Variants in JAK3 observed in about 807,000 individuals in gnomAD.
The protein encoded by JAK3 is Janus kinase 3, also known as tyrosine-protein kinase JAK3.
In JAK3, 88 loss-of-function variants were observed where a neutral mutation model predicts 120.8. That is an observed-to-expected ratio of 0.73 (90% CI 0.61 to 0.87). The LOEUF (loss-of-function observed/expected upper bound fraction) is 0.87. Ranked by LOEUF, JAK3 falls within the 40% of genes least tolerant of loss-of-function variation. JAK3 has a pLI of 0.00. For synonymous variants in JAK3, 592 were observed against 628.6 expected (o/e 0.94, Z 0.87); for missense variants, 1,254 against 1,501.4 (o/e 0.84, Z 2.72).
chr19:17,831,727 G>T lies in JAK3; in HGVS notation c.2752C>A (p.Arg918Ser), dbSNP rs371883879. 2 of 1,611,900 alleles carry T rather than the reference G, an allele frequency of 1.2e-6. No homozygotes were observed. The highest frequency in any genetic ancestry group is 2.7e-5 in the African/African-American group (2 of 74,920). The change falls in exon 20 of 24, where the codon CGC (arginine) becomes AGC (serine). Residue 918 changes from arginine (R) to serine (S), a missense_variant. Arg to Ser is a moderately radical substitution (Grantham distance 110, BLOSUM62 -1). Coordinates refer to ENST00000458235, the MANE Select transcript of JAK3 (RefSeq NM_000215.4). The surrounding 1 kb of genome is among the most constrained non-coding windows in gnomAD (Gnocchi z 5.1). ...GCLRDFLQRH[R>S]ARLDASRLLL... ...AGGCGGCTGGCATCGAGGCGCGCGC[G>T]GTGCCGCTGCAGGAAGTCGCGCAAG...
intron 13 of JAK3, 123 bp from the exon 14 acceptor site, chr19:17,836,174 C>T: frequency 8.8e-7 from 1 of 1,136,816 alleles, no homozygotes; most frequent in Non-Finnish European, 1.3e-6. Context: ...CCCTCCCCTG[C>T]TGCCTCTGTT....
chr19:17,839,113 C>G, intron 10 of JAK3: 1 of 392,418 alleles, frequency 2.5e-6, no homozygotes, highest in African/African-American at 2.1e-5. Flanking sequence ...CTTTAATGAG[C>G]AAGTGGCACT....
At chr19:17,829,237 T>A (rs1435336483) in intron 23 of JAK3, among the ~76,000 whole-genome samples, 2 of 152,170 alleles carry the variant, frequency 1.3e-5, no homozygotes, top group East Asian at 3.8e-4. Flanking sequence ...TGATCTTGGC[T>A]CACTGAAACC....
intron 23 of JAK3, among the ~76,000 whole-genome samples, chr19:17,827,902 CA>C (rs113769893): frequency 0.55 from 77,326 of 139,386 alleles, 21,258 homozygotes; most frequent in East Asian, 0.73. Flanking sequence ...AACCACGTCT[CA>C]AAAAAAAAAA....
In JAK3 at chr19:17,838,259, T is replaced by C. The variant is rs2147688334; in HGVS notation, c.1569+4A>G. The C allele has an allele frequency of 6.2e-7, 1 of 1,614,068 alleles. No homozygotes were observed. The highest frequency in any genetic ancestry group is 8.5e-7 in the Non-Finnish European group (1 of 1,180,022). On this transcript the variant is annotated splice_donor_region_variant and intron_variant, in intron 11 of 23. Coordinates refer to ENST00000458235, the MANE Select transcript of JAK3 (RefSeq NM_000215.4). ...GTATCGCCTCATTTCCCAGGGCCTC[T>C]TACCCACTCCAGGCTGTCAGCAGGG...
At chr19:17,835,869 C>A in intron 14 of JAK3, 55 bp downstream of exon 14, 2 of 1,609,500 alleles carry the variant, frequency 1.2e-6, no homozygotes, top group Non-Finnish European at 1.7e-6. Flanking sequence ...TCCTCTTCCA[C>A]CCAGAGAAAG....
At position 17,831,260 on chromosome 19, in the gene JAK3, C is replaced by T; in HGVS notation, c.2946G>A (p.Val982=). ...KLLPLDKDYY[V]VREPGQSPIF... is the part of the protein sequence containing the mutation. ...TGGGGCTCTGGCCTGGCTCGCGGAC[C>T]ACGTAGTAGTCTTTGTCAAGCGGCA... Residue 982 remains valine (V), a synonymous_variant, in exon 21 of 24, where the codon GTG becomes GTA. Transcript: ENST00000458235. The surrounding 1 kb of genome is among the most constrained non-coding windows in gnomAD (Gnocchi z 5.1). 3 of 1,612,400 alleles carry T rather than the reference C, an allele frequency of 1.9e-6. No homozygotes were observed. The highest frequency in any genetic ancestry group is 2.2e-5 in the East Asian group (1 of 44,876).
At chr19:17,834,033 C>G (rs2094219262) in intron 17 of JAK3, among the ~76,000 whole-genome samples, 1 of 152,018 alleles carries the variant, frequency 6.6e-6, no homozygotes, top group African/African-American at 2.4e-5. Flanking sequence ...AGCCACTGCG[C>G]CCAGCCAAAC....
At chr19:17,839,833 C>T (rs2094233778) in intron 9 of JAK3, among the ~76,000 whole-genome samples, 170 bp from the exon 10 acceptor site, 1 of 151,446 alleles carries the variant, frequency 6.6e-6, no homozygotes, top group African/African-American at 2.4e-5. Context: ...CTCCGCCTCC[C>T]AGGTTCAAGC....
At position 17,835,975 on chromosome 19, in the gene JAK3, G is replaced by A; in HGVS notation, c.1863C>T (p.Ala621=). The A allele has an allele frequency of 6.2e-7, 1 of 1,614,124 alleles. No homozygotes were observed. Among genetic ancestry groups the A allele is most frequent in the South Asian group, 1.1e-5 (1 of 91,092 alleles). Residue 621 remains alanine (A), a synonymous_variant, in exon 14 of 24, where the codon GCC becomes GCT. Coordinates refer to ENST00000458235, the MANE Select transcript of JAK3 (RefSeq NM_000215.4). ...YLRKRGHLVP[A]SWKLQVVKQL... ...GTTTGACCACCTGCAGCTTCCAGCT[G>A]GCTGGCACCAGGTGGCCACGTTTTC...
Position 17,842,313 on chromosome 19 carries a change from C to A in JAK3, c.861+3G>T, listed in dbSNP as rs770648156. ...CCCGCCCAGCGGGGGAGTCCGCCCTCACCTCCTGTTCTCCCTGGGTCCAGG... is the reference window on the plus strand; with the variant it reads ...CCCGCCCAGCGGGGGAGTCCGCCCTAACCTCCTGTTCTCCCTGGGTCCAGG... On this transcript the variant is annotated splice_donor_region_variant and intron_variant, in intron 6 of 23. Transcript: ENST00000458235. This position sits in a 1 kb window ranked among gnomAD's most constrained non-coding sequence, Gnocchi z 6.4. The A allele has an allele frequency of 3.2e-6, 5 of 1,577,278 alleles. No individual in the cohort carries two copies. In the South Asian group the frequency reaches 4.6e-5, roughly 14 times the overall value.
At chr19:17,845,585 C>A (rs778066037) in intron 1 of JAK3, among the ~76,000 whole-genome samples, 1 of 152,046 alleles carries the variant, frequency 6.6e-6, no homozygotes, top group Non-Finnish European at 1.5e-5. Flanking sequence ...ATTTTGAGAC[C>A]TCATCTCTAA....
Position 17,837,926 on chromosome 19 carries a change from T to C in JAK3, c.1701+6A>G, listed in dbSNP as rs1335007973. The C allele has an allele frequency of 1.2e-6, 2 of 1,613,862 alleles. No homozygotes were observed. Among genetic ancestry groups the C allele is most frequent in the African/African-American group, 1.3e-5 (1 of 74,880 alleles). ...ACTCCAAAAGTCTGGTCCACATTGC[T>C]CTCACCTCCATGCAGTTCTTGTGCT... On this transcript the variant is annotated splice_donor_region_variant and intron_variant, in intron 12 of 23. Coordinates refer to ENST00000458235, the MANE Select transcript of JAK3 (RefSeq NM_000215.4).
rs201061959 is a variant in JAK3, at chr19:17,840,390, G to A, written c.1143-49C>T. The A allele has an allele frequency of 1.1e-5, 14 of 1,271,574 alleles. No individual in the cohort carries two copies. In the African/African-American group the frequency reaches 1.8e-4, roughly 16 times the overall value. The allele number at this position is 1,271,574 out of a possible 1,614,324, so 78.8% of individuals were successfully genotyped here. The stretch of plus-strand genomic sequence containing the variant: ...TGGGGAGGAGTCAGAGATAGAAGAA[G>A]ACAGAGAGACCTGGGCTCAAATTCA... On this transcript the variant is annotated intron_variant, in intron 8 of 23. Transcript: ENST00000458235.
intron 1 of JAK3, among the ~76,000 whole-genome samples, chr19:17,846,910 G>GC (rs1003656535): frequency 2.9e-5 from 2 of 69,650 alleles, no homozygotes; most frequent in African/African-American, 1.3e-4. Flanking sequence ...TTATTTTGTA[G>GC]GGGGGAGGAC....
In JAK3 at chr19:17,830,334, A is replaced by C. The variant is rs2302600; in HGVS notation, c.3097-116T>G. The C allele has an allele frequency of 0.31, 289,521 of 937,460 alleles. 47,066 individuals carry two copies. The highest frequency in any genetic ancestry group is 0.44 in the Admixed American group (21,266 of 48,742). 58.1% of individuals were successfully genotyped at this position (937,460 alleles called of 1,614,324 possible). On this transcript the variant is annotated intron_variant, in intron 22 of 23. Transcript: ENST00000458235. ...TGATGGAGCGGGGAGGGGCTGCCTG[A>C]ACCGTGAAGGGGTCAGAAAGGTGAG...
Position 17,842,320 on chromosome 19 carries a change from T to C in JAK3, c.857A>G (p.Gln286Arg). 7.2e-7 allele frequency: 1 copy of C among 1,396,658 alleles called. No individual in the cohort carries two copies. The highest frequency in any genetic ancestry group is 9.5e-7 in the Non-Finnish European group (1 of 1,053,264). 86.5% of individuals were successfully genotyped at this position (1,396,658 alleles called of 1,614,324 possible). Residue 286 changes from glutamine to arginine, a missense_variant, in exon 6 of 24, where the codon CAG becomes CGG. Transcript: ENST00000458235. This position sits in a 1 kb window ranked among gnomAD's most constrained non-coding sequence, Gnocchi z 6.4. Reference sequence around the variant, plus strand: ...AGCGGGGGAGTCCGCCCTCACCTCCTGTTCTCCCTGGGTCCAGGCGATGCC... The same window carrying C: ...AGCGGGGGAGTCCGCCCTCACCTCCCGTTCTCCCTGGGTCCAGGCGATGCC... ...DGGIAWTQGEQEVLQPFCDFP... is the reference protein window; with the variant it reads ...DGGIAWTQGEREVLQPFCDFP...
Position 17,832,453 on chromosome 19 carries a change from G to A in JAK3, c.2680+66C>T. 2 of 1,522,516 alleles carry A rather than the reference G, an allele frequency of 1.3e-6. No individual in the cohort carries two copies. Among genetic ancestry groups the A allele is most frequent in the Admixed American group, 1.7e-5 (1 of 59,892 alleles). 94.3% of individuals were successfully genotyped at this position (1,522,516 alleles called of 1,614,324 possible). On this transcript the variant is annotated intron_variant, in intron 19 of 23. Coordinates refer to ENST00000458235, the MANE Select transcript of JAK3 (RefSeq NM_000215.4). This position sits in a 1 kb window ranked among gnomAD's most constrained non-coding sequence, Gnocchi z 4.7. ...GCCTACCTAAAGTGGCCTGGCAGGAGGGTAAGAATGTGCACTTTGAAAAGC... is the reference window on the plus strand; with the variant it reads ...GCCTACCTAAAGTGGCCTGGCAGGAAGGTAAGAATGTGCACTTTGAAAAGC...
Position 17,841,933 on chromosome 19 carries a change from C to A in JAK3, c.862-171G>T, listed in dbSNP as rs1017174469. On this transcript the variant is annotated intron_variant, in intron 6 of 23. Coordinates refer to ENST00000458235, the MANE Select transcript of JAK3 (RefSeq NM_000215.4). This position sits in a 1 kb window ranked among gnomAD's most constrained non-coding sequence, Gnocchi z 4.1. ...ACCTCTCAACACCTCCCCTACCCAT[C>A]CCCAAACATCTCCCACCCGCTCTGC... 6.6e-6 allele frequency among the ~76,000 whole-genome samples: 1 copy of A among 151,740 alleles called. No homozygotes were observed. Among genetic ancestry groups the A allele is most frequent in the Non-Finnish European group, 1.5e-5 (1 of 67,958 alleles).
Sources: gnomAD v4.1 joint callset for allele counts (sites outside exome capture counted in the v4.1 genomes callset) on GRCh38, gnomAD v4.1.1 for gene constraint, Gnocchi (gnomAD v3.1) non-coding constraint, MANE v1.5 for transcripts, NCBI Gene and HGNC (gene_info 2026-07-23, HGNC 2026-07-21) for gene names.